Variants in HAUS6 observed in about 807,000 individuals in gnomAD.
HAUS6 encodes HAUS augmin-like complex subunit 6.
Under a neutral mutation model 106.8 loss-of-function variants are expected in HAUS6, and 80 were observed. The observed-to-expected ratio is 0.75, with a 90% CI of 0.63 to 0.90. The LOEUF (loss-of-function observed/expected upper bound fraction) is 0.90, where lower values mean the gene tolerates loss of function less well. Among genes scored for constraint, HAUS6 ranks in the 40% least tolerant of loss-of-function variants. The probability of loss-of-function intolerance (pLI) is 0.00; values close to 1 mark genes in which losing one functional copy is unlikely to be tolerated. For synonymous variants in HAUS6, 356 were observed against 379.1 expected, an observed-to-expected ratio of 0.94 and a Z score of 0.71; for missense variants, 1,155 against 1,118.1, an observed-to-expected ratio of 1.03 and a Z score of -0.47.
At chr9:19,078,140 T>C in intron 10 of HAUS6, 36 bp downstream of exon 10, 1 of 1,357,976 alleles carries the variant, frequency 7.4e-7, no homozygotes, top group Non-Finnish European at 1.0e-6. Flanking sequence ...AAAAGGTGGG[T>C]GGCGGGGAGG....
Position 19,086,811 on chromosome 9 carries a change from C to T in HAUS6, c.651-29G>A, listed in dbSNP as rs147420402. On this transcript the variant is annotated intron_variant, in intron 6 of 16. Transcript: ENST00000380502. ...ATAAAAATTAAATAATCTAATTAGTCATATTAAAAATCACATGGTAATTTA... is the reference window on the plus strand; with the variant it reads ...ATAAAAATTAAATAATCTAATTAGTTATATTAAAAATCACATGGTAATTTA... 25 of 905,690 alleles carry T rather than the reference C, an allele frequency of 2.8e-5. No individual in the cohort carries two copies. In the East Asian group the frequency reaches 6.3e-4, roughly 23 times the overall value. 56.1% of individuals were successfully genotyped at this position (905,690 alleles called of 1,614,324 possible).
At chr9:19,080,441 C>A (rs1164979919) in intron 9 of HAUS6, 38 bp downstream of exon 9, 3 of 1,381,134 alleles carry the variant, frequency 2.2e-6, no homozygotes, top group Middle Eastern at 2.5e-4. Context: ...AACCACCCTA[C>A]TCCTCCCACA....
At chr9:19,101,299 T>A (rs1307960969) in intron 1 of HAUS6, among the ~76,000 whole-genome samples, 1 of 152,090 alleles carries the variant, frequency 6.6e-6, no homozygotes, top group Admixed American at 6.6e-5. Flanking sequence ...GGCGGGGGGA[T>A]TGCTGGAGGC....
chr9:19,061,618 T>C (rs1159634134), intron 14 of HAUS6, among the ~76,000 whole-genome samples: 1 of 152,104 alleles, frequency 6.6e-6, no homozygotes, highest in African/African-American at 2.4e-5. Context: ...GAAGATCACT[T>C]CAGGCTACGG....
chr9:19,098,234 T>C (rs368551567), intron 1 of HAUS6, among the ~76,000 whole-genome samples: 102 of 152,196 alleles, frequency 6.7e-4, no homozygotes, highest in African/African-American at 2.3e-3. Flanking sequence ...AGTCAAGAGA[T>C]TGAGACCATC....
At chr9:19,081,943 T>C (rs193153407) in intron 8 of HAUS6, among the ~76,000 whole-genome samples, 1 of 152,252 alleles carries the variant, frequency 6.6e-6, no homozygotes. Flanking sequence ...CAATATTTTA[T>C]CTTTGTATCT....
chr9:19,078,118 C>G, intron 10 of HAUS6, 58 bp downstream of exon 10: 1 of 1,069,326 alleles, frequency 9.4e-7, no homozygotes, highest in Non-Finnish European at 1.3e-6. Context: ...GACACTGTCT[C>G]AAAAAAAAAA....
intron 1 of HAUS6, among the ~76,000 whole-genome samples, chr9:19,102,280 C>T (rs1341247778): frequency 6.6e-6 from 1 of 152,190 alleles, no homozygotes; most frequent in East Asian, 1.9e-4. Context: ...CAGTCTTGCA[C>T]TCTCCCCATC....
At chr9:19,085,035 C>G (rs529593813) in intron 7 of HAUS6, among the ~76,000 whole-genome samples, 1 of 152,150 alleles carries the variant, frequency 6.6e-6, no homozygotes, top group African/African-American at 2.4e-5. Context: ...TCAAACAATC[C>G]TCCTGCCTCA....
At chr9:19,064,210 G>A (rs964103260) in intron 12 of HAUS6, among the ~76,000 whole-genome samples, 26 of 152,004 alleles carry the variant, frequency 1.7e-4, no homozygotes, top group African/African-American at 5.1e-4. Context: ...CAGGTGATCC[G>A]CCCACCTTGG....
Position 19,094,253 on chromosome 9 carries a change from T to C in HAUS6, c.303+64A>G, listed in dbSNP as rs141499340. 3.3e-6 allele frequency: 3 copies of C among 921,878 alleles called. No individual in the cohort carries two copies. In the East Asian group the frequency reaches 7.4e-5, roughly 23 times the overall value. The allele number at this position is 921,878 out of a possible 1,614,324, so 57.1% of individuals were successfully genotyped here. On this transcript the variant is annotated intron_variant, in intron 3 of 16. Transcript: ENST00000380502. ...TTAAAAGGATTTCACCTCTAAAAAG[T>C]TAAAGAGTTAAAGTAGTTTTTAACT... is the stretch of plus-strand genomic sequence containing the variant.
chr9:19,100,180 C>T (rs1280632194), intron 1 of HAUS6, among the ~76,000 whole-genome samples: 2 of 151,584 alleles, frequency 1.3e-5, no homozygotes, highest in African/African-American at 2.4e-5. Context: ...GGCGACAGAG[C>T]AAGACTCCAT....
chr9:19,064,186 C>G (rs576819670), intron 12 of HAUS6, among the ~76,000 whole-genome samples: 1 of 152,120 alleles, frequency 6.6e-6, no homozygotes, highest in Non-Finnish European at 1.5e-5. Flanking sequence ...AGGCTGGTCT[C>G]AAACTCCCGA....
intron 15 of HAUS6, 33 bp downstream of exon 15, chr9:19,060,055 A>G: frequency 6.4e-7 from 1 of 1,564,240 alleles, no homozygotes; most frequent in South Asian, 1.2e-5. Flanking sequence ...TGTCGATGAA[A>G]GAAAAAAGTA....
At chr9:19,095,718 T>C (rs1817847120) in intron 2 of HAUS6, among the ~76,000 whole-genome samples, 1 of 152,124 alleles carries the variant, frequency 6.6e-6, no homozygotes, top group African/African-American at 2.4e-5. Context: ...AAAAGATTGA[T>C]GGTACAATAT....
At position 19,072,175 on chromosome 9, in the gene HAUS6, A is replaced by G. The variant is rs546852736; in HGVS notation, c.1295-1875T>C. ...ATTGCACTCCAGCCTGGGCAACAAC[A>G]GTGAAACTCCCTCTCAAAAAAAAAA... is the stretch of plus-strand genomic sequence containing the variant. On this transcript the variant is annotated intron_variant, in intron 11 of 16. Transcript: ENST00000380502. Among the ~76,000 whole-genome samples the G allele has an allele frequency of 1.2e-4, 17 of 146,010 alleles. No homozygotes were observed. In the South Asian group the frequency reaches 3.5e-3, roughly 30 times the overall value.
chr9:19,089,287 A>C, intron 5 of HAUS6, 125 bp downstream of exon 5: 2 of 635,494 alleles, frequency 3.1e-6, no homozygotes, highest in Non-Finnish European at 2.7e-6. Flanking sequence ...AAGTTATCTG[A>C]CTTTAAAATA....
intron 4 of HAUS6, among the ~76,000 whole-genome samples, chr9:19,090,259 T>C (rs1817715389): frequency 6.6e-6 from 1 of 152,216 alleles, no homozygotes; most frequent in Admixed American, 6.5e-5. Flanking sequence ...AAAAAAATTC[T>C]TATTATAATT....
rs1817871796 is a variant in HAUS6 at position 19,096,670 on chromosome 9, T to G, written c.224+4A>C. ...TTTAAGAAAATGAAATTATTTTTCC[T>G]TACTTGAAAACTTCTTTGGTGAGAG... On this transcript the variant is annotated splice_donor_region_variant and intron_variant, in intron 2 of 16. Coordinates refer to ENST00000380502, the MANE Select transcript of HAUS6 (RefSeq NM_017645.5). 1 of 1,290,700 alleles carries G rather than the reference T, an allele frequency of 7.7e-7. No individual in the cohort carries two copies. The highest frequency in any genetic ancestry group is 1.1e-6 in the Non-Finnish European group (1 of 920,050). The allele number at this position is 1,290,700 out of a possible 1,614,324, so 80.0% of individuals were successfully genotyped here.
Sources: allele counts gnomAD v4.1 joint callset (sites outside exome capture counted in the v4.1 genomes callset), GRCh38; gene constraint gnomAD v4.1.1; transcripts MANE v1.5; gene names NCBI Gene and HGNC (gene_info 2026-07-23, HGNC 2026-07-21).